Variants in WDFY3 observed in about 807,000 individuals in gnomAD.
WDFY3 encodes WD repeat and FYVE domain-containing protein 3.
In WDFY3, 66 loss-of-function variants were observed where a neutral mutation model predicts 409.6. The ratio of observed to expected loss-of-function variants is 0.16; its 90% CI spans 0.13 to 0.20. The LOEUF (loss-of-function observed/expected upper bound fraction) is 0.20. Among genes scored for constraint, WDFY3 ranks in the 10% least tolerant of loss-of-function variants. WDFY3 has a pLI of 1.00. For missense variants in WDFY3, 3,031 were observed against 4,298.1 expected (o/e 0.71, Z 8.24); for synonymous variants, 1,521 against 1,537.1 (o/e 0.99, Z 0.25).
intron 47 of WDFY3, among the ~76,000 whole-genome samples, 199 bp from the exon 48 acceptor site, chr4:84,718,769 T>C (rs934240666): frequency 8.5e-5 from 13 of 152,210 alleles, no homozygotes; most frequent in Non-Finnish European, 1.9e-4. Context: ...TCCACTCATC[T>C]GCCAATCCCA....
chr4:84,796,479 C>T lies in WDFY3; in HGVS notation c.3167+42G>A, dbSNP rs753507663. 3.9e-5 allele frequency: 50 copies of T among 1,297,556 alleles called. 1 individual carries two copies. The highest frequency in any genetic ancestry group is 3.1e-4 in the South Asian group (16 of 51,180). 80.4% of individuals were successfully genotyped at this position (1,297,556 alleles called of 1,614,324 possible). ...GATCTATTTGTAAAGGCAAGTATGA[C>T]GCATAAAACCATAAAGGTTGGCTTC... On this transcript the variant is annotated intron_variant, in intron 19 of 67. Coordinates refer to ENST00000295888, the MANE Select transcript of WDFY3 (RefSeq NM_014991.6).
intron 7 of WDFY3, 45 bp from the exon 8 acceptor site, chr4:84,831,650 C>A: frequency 1.3e-6 from 2 of 1,519,974 alleles, no homozygotes; most frequent in South Asian, 1.3e-5. Context: ...AAGCAAAAAT[C>A]AAATAATCTG....
chr4:84,687,933 AC>A, intron 62 of WDFY3, 152 bp downstream of exon 62: 2 of 779,522 alleles, frequency 2.6e-6, no homozygotes, highest in South Asian at 3.4e-5. Flanking sequence ...TATAGTGCCT[AC>A]AGCCCAGAAG....
intron 53 of WDFY3, among the ~76,000 whole-genome samples, chr4:84,706,327 T>C (rs1731933747): frequency 6.6e-6 from 1 of 152,180 alleles, no homozygotes; most frequent in Admixed American, 6.5e-5. Context: ...GTTAGCATAT[T>C]TGTTATCTCA....
At chr4:84,715,194 T>C in intron 50 of WDFY3, 104 bp downstream of exon 50, 1 of 622,928 alleles carries the variant, frequency 1.6e-6, no homozygotes, top group Non-Finnish European at 2.9e-6. Flanking sequence ...TTCAAAGATG[T>C]TGGCTCATTG....
At chr4:84,736,503 G>T (rs373893936) in intron 41 of WDFY3, among the ~76,000 whole-genome samples, 176 bp from the exon 42 acceptor site, 20 of 151,854 alleles carry the variant, frequency 1.3e-4, no homozygotes, top group Admixed American at 9.8e-4. Flanking sequence ...TCTTAAGGAT[G>T]ACTGCTCGCA....
intron 2 of WDFY3, among the ~76,000 whole-genome samples, chr4:84,905,190 G>T (rs149369151): frequency 6.6e-6 from 1 of 152,126 alleles, no homozygotes; most frequent in Non-Finnish European, 1.5e-5. Context: ...ACAAAAATTA[G>T]CTGGCCATCA....
chr4:84,811,759 C>G (rs929979634), intron 13 of WDFY3, among the ~76,000 whole-genome samples: 2 of 152,022 alleles, frequency 1.3e-5, no homozygotes, highest in Non-Finnish European at 2.9e-5. Flanking sequence ...CTAATGGTAT[C>G]TGAAGAATGA....
intron 3 of WDFY3, among the ~76,000 whole-genome samples, chr4:84,866,524 T>C (rs1044947282): frequency 2.0e-5 from 3 of 152,238 alleles, no homozygotes; most frequent in Admixed American, 2.0e-4. Flanking sequence ...GAAAGTGCCC[T>C]GGATGGGCTG....
At chr4:84,717,158 A>G (rs965054031) in intron 48 of WDFY3, 142 bp from the exon 49 acceptor site, 50 of 984,834 alleles carry the variant, frequency 5.1e-5, no homozygotes, top group Non-Finnish European at 6.2e-5. Flanking sequence ...AAATATATTT[A>G]CAAGAAGAAT....
chr4:84,686,188 C>A (rs754458245), intron 62 of WDFY3, among the ~76,000 whole-genome samples: 23 of 152,108 alleles, frequency 1.5e-4, no homozygotes, highest in Non-Finnish European at 3.1e-4. Context: ...CACCTGTAAT[C>A]CCAGCTACTC....
At chr4:84,739,170 G>A in intron 39 of WDFY3, 51 bp from the exon 40 acceptor site, 1 of 1,541,362 alleles carries the variant, frequency 6.5e-7, no homozygotes, top group South Asian at 1.1e-5. Flanking sequence ...ATTAGCTGAA[G>A]ACTACAGTAA....
intron 21 of WDFY3, among the ~76,000 whole-genome samples, chr4:84,794,262 C>A (rs183121595): frequency 5.9e-5 from 9 of 152,202 alleles, no homozygotes; most frequent in Admixed American, 3.3e-4. Flanking sequence ...AACCTGCTTT[C>A]CTAGGAAAAG....
rs1447728297 is a variant in WDFY3 at position 84,670,407 on chromosome 4, T to C, written c.*2461A>G. 6.6e-6 allele frequency: 1 copy of C among 152,664 alleles called. No homozygotes were observed. Among genetic ancestry groups the C allele is most frequent in the Non-Finnish European group, 1.5e-5 (1 of 68,046 alleles). The allele number at this position is 152,664 out of a possible 1,614,324, so 9.5% of individuals were successfully genotyped here. A position where few individuals can be genotyped will look rare whatever the true frequency, so the allele number is the denominator to read the frequency against. ...ATGTATGTGAGTGTACTTGTATGTGTGAGTGATTCTGTTGATTTCTGCATT... is the reference window on the plus strand; with the variant it reads ...ATGTATGTGAGTGTACTTGTATGTGCGAGTGATTCTGTTGATTTCTGCATT... On this transcript the variant is annotated 3_prime_UTR_variant, in exon 68 of 68. Transcript: ENST00000295888.
intron 53 of WDFY3, 59 bp downstream of exon 53, chr4:84,708,850 G>A (rs1469299507): frequency 1.3e-5 from 20 of 1,580,854 alleles, no homozygotes; most frequent in African/African-American, 2.7e-5. Flanking sequence ...TTCAATTGTC[G>A]TATTTTAAAA....
intron 30 of WDFY3, among the ~76,000 whole-genome samples, chr4:84,769,340 C>A (rs1052021941): frequency 2.0e-5 from 3 of 152,166 alleles, no homozygotes; most frequent in Admixed American, 6.5e-5. Context: ...GTATCGCATG[C>A]CACACAGAAA....
At chr4:84,946,067 CA>C (rs1266167239) in intron 1 of WDFY3, among the ~76,000 whole-genome samples, 1 of 152,098 alleles carries the variant, frequency 6.6e-6, no homozygotes, top group African/African-American at 2.4e-5. Flanking sequence ...GTGCCGTACA[CA>C]GTGTTAATGT....
intron 30 of WDFY3, among the ~76,000 whole-genome samples, chr4:84,768,243 G>A (rs962179624): frequency 6.6e-6 from 1 of 152,216 alleles, no homozygotes; most frequent in Non-Finnish European, 1.5e-5. Flanking sequence ...GATTTAGTAA[G>A]ATAATTAATG....
At chr4:84,867,915 A>C (rs556180623) in intron 3 of WDFY3, among the ~76,000 whole-genome samples, 7 of 152,154 alleles carry the variant, frequency 4.6e-5, no homozygotes, top group Non-Finnish European at 7.3e-5. Context: ...TCACGCCTGT[A>C]ATCCCAGCAC....
Sources: allele counts gnomAD v4.1 joint callset (sites outside exome capture counted in the v4.1 genomes callset), GRCh38; gene constraint gnomAD v4.1.1; transcripts MANE v1.5; gene names NCBI Gene and HGNC (gene_info 2026-07-23, HGNC 2026-07-21).